Variants in FGF14 observed in about 807,000 individuals in gnomAD.
The protein encoded by FGF14 is fibroblast growth factor 14.
A neutral mutation model predicts 25.5 loss-of-function variants in FGF14; 5 were observed. The observed-to-expected ratio is 0.20, with a 90% CI of 0.10 to 0.41. FGF14 has a LOEUF of 0.41. Ranked by LOEUF, FGF14 falls within the 10% of genes least tolerant of loss-of-function variation. The pLI is 1.00. For synonymous variants in FGF14, 138 were observed against 118.3 expected (o/e 1.17, Z -1.08); for missense variants, 222 against 320.1 (o/e 0.69, Z 2.34).
chr13:101,797,133 G>A (rs772290194), intron 3 of FGF14, among the ~76,000 whole-genome samples: 10 of 152,044 alleles, frequency 6.6e-5, no homozygotes, highest in Non-Finnish European at 1.3e-4. Flanking sequence ...GACAGTGTGT[G>A]TGCAAACACA....
At chr13:102,369,563 C>G (rs2057815850) in intron 1 of FGF14, among the ~76,000 whole-genome samples, 1 of 152,086 alleles carries the variant, frequency 6.6e-6, no homozygotes, top group Admixed American at 6.6e-5. Context: ...CAATGTCGCA[C>G]TTTCTCCCTA....
intron 1 of FGF14, among the ~76,000 whole-genome samples, chr13:102,208,172 A>G (rs1292718763): frequency 6.6e-6 from 1 of 152,200 alleles, no homozygotes; most frequent in African/African-American, 2.4e-5. Flanking sequence ...CGCAAGGGGA[A>G]AGGCAGAATC....
intron 1 of FGF14, chr13:102,367,587 G>A (rs1476977726): frequency 7.2e-6 from 1 of 139,478 alleles, no homozygotes; most frequent in Admixed American, 7.4e-5. Context: ...GAAGGCTGGC[G>A]ACCACAGATC....
chr13:102,175,046 C>G (rs1200335306), intron 1 of FGF14, among the ~76,000 whole-genome samples: 1 of 152,086 alleles, frequency 6.6e-6, no homozygotes, highest in Non-Finnish European at 1.5e-5. Context: ...TCTGCAGATT[C>G]AACACGATTT....
At chr13:101,985,406 A>C (rs981021755) in intron 1 of FGF14, among the ~76,000 whole-genome samples, 1 of 152,146 alleles carries the variant, frequency 6.6e-6, no homozygotes, top group African/African-American at 2.4e-5. Context: ...AAAAATAAAA[A>C]AACATAGCAC....
intron 1 of FGF14, among the ~76,000 whole-genome samples, chr13:102,283,070 T>C (rs1399901990): frequency 6.6e-6 from 1 of 152,196 alleles, no homozygotes; most frequent in Non-Finnish European, 1.5e-5. Context: ...TCTATCTTGT[T>C]GCTCTGTGGT....
At chr13:101,977,940 TAAAA>T (rs10708269) in intron 1 of FGF14, among the ~76,000 whole-genome samples, 1 of 137,858 alleles carries the variant, frequency 7.3e-6, no homozygotes, top group African/African-American at 2.7e-5. Context: ...TTTCTCAATG[TAAAA>T]AAAAAAAAAA....
At chr13:102,344,053 GTTA>G (rs2057031512) in intron 1 of FGF14, among the ~76,000 whole-genome samples, 1 of 152,194 alleles carries the variant, frequency 6.6e-6, no homozygotes, top group Non-Finnish European at 1.5e-5. Context: ...TATCAGTAAA[GTTA>G]TTAAGTTAGC....
chr13:102,319,267 T>G (rs1297423900), intron 1 of FGF14, among the ~76,000 whole-genome samples: 1 of 152,174 alleles, frequency 6.6e-6, no homozygotes, highest in African/African-American at 2.4e-5. Flanking sequence ...CATATGCAAA[T>G]GATGGACTAC....
At position 101,720,725 on chromosome 13, in the gene FGF14, T is replaced by C. The variant is rs1464146056; in HGVS notation, c.*2106A>G. On this transcript the variant is annotated 3_prime_UTR_variant, in exon 5 of 5. Coordinates refer to ENST00000376143, the MANE Select transcript of FGF14 (RefSeq NM_004115.4). Reference sequence around the variant, plus strand: ...ATTGGTTAATGGAAGTTATCTAATATATTTTAACTGTTCCTGTTAAAAACA... The same window carrying C: ...ATTGGTTAATGGAAGTTATCTAATACATTTTAACTGTTCCTGTTAAAAACA... 6.6e-6 allele frequency: 1 copy of C among 150,724 alleles called. No homozygotes were observed. The highest frequency in any genetic ancestry group is 2.5e-5 in the African/African-American group (1 of 40,042). The allele number at this position is 150,724 out of a possible 1,614,324, so 9.3% of individuals were successfully genotyped here. A position where few individuals can be genotyped will look rare whatever the true frequency, so the allele number is the denominator to read the frequency against.
chr13:102,077,025 G>C (rs1400419115), intron 1 of FGF14, among the ~76,000 whole-genome samples: 1 of 152,098 alleles, frequency 6.6e-6, no homozygotes, highest in Non-Finnish European at 1.5e-5. Flanking sequence ...AACACACAAT[G>C]GGGAATGAAC....
At chr13:101,750,040 T>C (rs2037167300) in intron 3 of FGF14, among the ~76,000 whole-genome samples, 1 of 152,014 alleles carries the variant, frequency 6.6e-6, no homozygotes, top group African/African-American at 2.4e-5. Flanking sequence ...TGAAGACACA[T>C]CGAGAAAACA....
At chr13:101,869,400 G>A (rs749268461) in intron 2 of FGF14, among the ~76,000 whole-genome samples, 1 of 152,110 alleles carries the variant, frequency 6.6e-6, no homozygotes, top group Non-Finnish European at 1.5e-5. Flanking sequence ...ATGTCAGAGA[G>A]GCTACTCATT....
At chr13:101,872,975 A>G (rs747165512) in intron 2 of FGF14, among the ~76,000 whole-genome samples, 4 of 152,084 alleles carry the variant, frequency 2.6e-5, no homozygotes, top group Non-Finnish European at 5.9e-5. Flanking sequence ...AGAGTGTCAG[A>G]AGAAATTTCA....
At chr13:102,025,340 G>A (rs2040869254) in intron 1 of FGF14, among the ~76,000 whole-genome samples, 1 of 151,904 alleles carries the variant, frequency 6.6e-6, no homozygotes. Flanking sequence ...TGTAAACATG[G>A]GATGTCTTTC....
intron 1 of FGF14, among the ~76,000 whole-genome samples, chr13:101,898,375 C>CACACAT (rs1475550067): frequency 6.6e-6 from 1 of 151,366 alleles, no homozygotes; most frequent in Admixed American, 6.6e-5. Context: ...CACACACACA[C>CACACAT]ATATCCCCAG....
intron 3 of FGF14, among the ~76,000 whole-genome samples, chr13:101,813,823 G>A (rs901045324): frequency 9.2e-5 from 14 of 152,162 alleles, no homozygotes; most frequent in African/African-American, 2.9e-4. Flanking sequence ...CACTCTGTTC[G>A]CAGAGATACT....
chr13:102,304,001 C>G (rs2055226372), intron 1 of FGF14, among the ~76,000 whole-genome samples: 1 of 152,116 alleles, frequency 6.6e-6, no homozygotes, highest in South Asian at 2.1e-4. Flanking sequence ...ATTAGCATAT[C>G]TTCAATTTAG....
intron 1 of FGF14, among the ~76,000 whole-genome samples, chr13:101,966,233 T>G (rs776617694): frequency 6.6e-6 from 1 of 152,126 alleles, no homozygotes; most frequent in Non-Finnish European, 1.5e-5. Context: ...GGTGTTCTTA[T>G]AAAAATGGGA....
Sources: allele counts gnomAD v4.1 joint callset (sites outside exome capture counted in the v4.1 genomes callset), GRCh38; gene constraint gnomAD v4.1.1; transcripts MANE v1.5; gene names NCBI Gene and HGNC (gene_info 2026-07-23, HGNC 2026-07-21).